Variants in CACNA1S observed in about 807,000 individuals in gnomAD.
CACNA1S encodes calcium voltage-gated channel subunit alpha1 S, also known as voltage-dependent L-type calcium channel subunit alpha-1S.
CACNA1S carries 126 observed loss-of-function variants against 207.4 expected under a neutral mutation model. The ratio of observed to expected loss-of-function variants is 0.61; its 90% confidence interval spans 0.53 to 0.70. The LOEUF is 0.70. CACNA1S is among the 30% of genes least tolerant of loss of function. The pLI, the probability that CACNA1S is intolerant of heterozygous loss-of-function variation, is 0.00. For synonymous variants in CACNA1S, 960 were observed against 932.7 expected, an observed-to-expected ratio of 1.03 and a Z score of -0.53; for missense variants, 2,349 against 2,422.8, an observed-to-expected ratio of 0.97 and a Z score of 0.64.
chr1:201,079,833 C>T (rs1046755287), intron 10 of CACNA1S, among the ~76,000 whole-genome samples: 1 of 152,202 alleles, frequency 6.6e-6, no homozygotes, highest in Middle Eastern at 3.2e-3. Flanking sequence ...TGCTGTCCAT[C>T]ATGAGAATTG....
At position 201,085,961 on chromosome 1, in the gene CACNA1S, CA is replaced by C. The variant is rs933834343; in HGVS notation, c.1005-381del. Among the ~76,000 whole-genome samples the C allele has an allele frequency of 3.1e-4, 47 of 152,242 alleles. 1 individual carries two copies. The highest frequency in any genetic ancestry group is 1.1e-3 in the African/African-American group (46 of 41,466). On this transcript the variant is annotated intron_variant, in intron 7 of 43. Coordinates refer to ENST00000362061, the MANE Select transcript of CACNA1S (RefSeq NM_000069.3). Reference sequence around the variant, plus strand: ...AATTGGCCATACTGCCCCAACCCTTCAAACTACCTTAGAAATTTAGTTTTGT... The same window carrying C: ...AATTGGCCATACTGCCCCAACCCTTCAACTACCTTAGAAATTTAGTTTTGT...
In CACNA1S at chr1:201,077,099, C is replaced by T. The variant is rs2102142651; in HGVS notation, c.1648G>A (p.Ala550Thr). The change falls in exon 12 of 44, where the codon GCA becomes ACA. Residue 550 changes from alanine to threonine, a missense_variant. Transcript: ENST00000362061. ...GAGCGGATGGAGTTGAGCAGGGATG[C>T]CACCAGGTTGCTCAGCGACGTCCAA... ...KYWTSLSNLVASLLNSIRSIA... is the reference protein window; with the variant it reads ...KYWTSLSNLVTSLLNSIRSIA... 2 of 1,614,080 alleles carry T rather than the reference C, an allele frequency of 1.2e-6. No individual in the cohort carries two copies. The highest frequency in any genetic ancestry group is 1.3e-5 in the African/African-American group (1 of 75,020).
chr1:201,072,534 T>G (rs16847659), intron 16 of CACNA1S, among the ~76,000 whole-genome samples: 1 of 152,116 alleles, frequency 6.6e-6, no homozygotes, highest in Non-Finnish European at 1.5e-5. Flanking sequence ...CTGAGTTACA[T>G]GAAAGTAAAA....
At chr1:201,082,316 C>T (rs1055946373) in intron 10 of CACNA1S, among the ~76,000 whole-genome samples, 6 of 146,862 alleles carry the variant, frequency 4.1e-5, no homozygotes, top group Middle Eastern at 3.5e-3. Context: ...CGTGAGCCAC[C>T]GCGCCCGGCC....
At position 201,048,582 on chromosome 1, in the gene CACNA1S, C is replaced by G. The variant is rs1418894777; in HGVS notation, c.4441G>C (p.Gly1481Arg). 6.2e-7 allele frequency: 1 copy of G among 1,612,138 alleles called. No individual in the cohort carries two copies. Among genetic ancestry groups the G allele is most frequent in the African/African-American group, 1.3e-5 (1 of 75,026 alleles). The change falls in exon 36 of 44, where the codon GGT becomes CGT. Residue 1481 changes from glycine to arginine, a missense_variant and splice_region_variant. Transcript: ENST00000362061. ...VRTALKIKTE[G>R]NFEQANEELR... ...GGCTCACATTGGAAGGCACTCTCAC[C>G]TTCCGTCTTGATCTTGAGTGCCGTG... is the stretch of plus-strand genomic sequence containing the variant.
Position 201,083,414 on chromosome 1 carries a change from A to G in CACNA1S, c.1233-92T>C. Reference sequence around the variant, plus strand: ...CTTCAGACAAACTCCAGGCATGCGTAGCCTGACCACCCCACTTCCGCCAGC... The same window carrying G: ...CTTCAGACAAACTCCAGGCATGCGTGGCCTGACCACCCCACTTCCGCCAGC... On this transcript the variant is annotated intron_variant, in intron 9 of 43. Coordinates refer to ENST00000362061, the MANE Select transcript of CACNA1S (RefSeq NM_000069.3). 3 of 1,339,002 alleles carry G rather than the reference A, an allele frequency of 2.2e-6. No individual in the cohort carries two copies. The South Asian group carries it at 3.5e-5, about 16-fold the overall frequency. 82.9% of individuals were successfully genotyped at this position (1,339,002 alleles called of 1,614,324 possible).
intron 2 of CACNA1S, among the ~76,000 whole-genome samples, chr1:201,094,864 C>A (rs1245495881): frequency 1.3e-5 from 2 of 152,126 alleles, no homozygotes; most frequent in Non-Finnish European, 2.9e-5. Flanking sequence ...GCCTGATCCT[C>A]TGGGTTACCC....
intron 16 of CACNA1S, 109 bp downstream of exon 16, chr1:201,072,646 G>A (rs1358818632): frequency 3.7e-6 from 3 of 809,798 alleles, no homozygotes; most frequent in East Asian, 2.4e-5. Flanking sequence ...TCCACATGGA[G>A]GGGTACAGGT....
At chr1:201,040,824 T>G (rs1221221046) in intron 41 of CACNA1S, 111 bp from the exon 42 acceptor site, 1 of 792,150 alleles carries the variant, frequency 1.3e-6, no homozygotes, top group Non-Finnish European at 2.1e-6. Context: ...AGCTCTGAGA[T>G]TCTCAGGGCT....
chr1:201,060,303 T>C (rs4915475), intron 26 of CACNA1S, among the ~76,000 whole-genome samples: 67,500 of 151,988 alleles, frequency 0.44, 15,789 homozygotes, highest in South Asian at 0.66. Context: ...CCATTTTTCT[T>C]GGGACCAGAG....
intron 10 of CACNA1S, among the ~76,000 whole-genome samples, chr1:201,082,866 C>T (rs184895172): frequency 2.2e-4 from 34 of 152,242 alleles, no homozygotes; most frequent in African/African-American, 5.5e-4. Context: ...ATAATCTGCC[C>T]GGACACCTGG....
intron 6 of CACNA1S, among the ~76,000 whole-genome samples, chr1:201,088,676 G>T (rs1486011826): frequency 6.6e-6 from 1 of 152,172 alleles, no homozygotes; most frequent in Non-Finnish European, 1.5e-5. Context: ...TAAAATGGGA[G>T]CAATGCCTTC....
chr1:201,044,135 T>C (rs1343936025), intron 39 of CACNA1S, among the ~76,000 whole-genome samples, 193 bp downstream of exon 39: 5 of 151,080 alleles, frequency 3.3e-5, no homozygotes, highest in Admixed American at 6.6e-5. Context: ...TGTGTTGCAT[T>C]TGACACCTCT....
In CACNA1S at chr1:201,053,098, G is replaced by A; in HGVS notation, c.3861+111C>T. The A allele has an allele frequency of 8.3e-7, 1 of 1,210,038 alleles. No individual in the cohort carries two copies. The highest frequency in any genetic ancestry group is 1.7e-5 in the Admixed American group (1 of 59,402). The allele number at this position is 1,210,038 out of a possible 1,614,324, so 75.0% of individuals were successfully genotyped here. ...CTCCTTCTTTCTCACGAGCAAGGCA[G>A]GGAGGGCGGAGGGTCCAGCCCGTGT... On this transcript the variant is annotated intron_variant, in intron 31 of 43. Transcript: ENST00000362061. This position sits in a 1 kb window ranked among gnomAD's most constrained non-coding sequence, Gnocchi z 5.1.
Position 201,066,950 on chromosome 1 carries a change from C to T in CACNA1S, c.2594G>A (p.Arg865His), listed in dbSNP as rs545411173. 68 of 1,614,144 alleles carry T rather than the reference C, an allele frequency of 4.2e-5. No homozygotes were observed. The highest frequency in any genetic ancestry group is 4.2e-4 in the Admixed American group (25 of 60,024). ...GAFLHKGSFC[R>H]NYFNMLDLLV... The stretch of plus-strand genomic sequence containing the variant: ...CAGGTCCAGCATGTTGAAGTAATTG[C>T]GGCAGAAGGAACCCTTGTGCAGGAA... The change falls in exon 20 of 44, where the codon CGC becomes CAC. Residue 865 changes from arginine (R) to histidine (H), a missense_variant. By Grantham distance (29) the Arg-to-His change is conservative. Coordinates refer to ENST00000362061, the MANE Select transcript of CACNA1S (RefSeq NM_000069.3). The surrounding 1 kb of genome is among the most constrained non-coding windows in gnomAD (Gnocchi z 4.3).
intron 28 of CACNA1S, among the ~76,000 whole-genome samples, chr1:201,056,249 C>T (rs1179334895): frequency 6.6e-6 from 1 of 152,162 alleles, no homozygotes; most frequent in Non-Finnish European, 1.5e-5. Flanking sequence ...GCACATCAGA[C>T]AGACGATGTG....
At chr1:201,081,444 G>A (rs937820452) in intron 10 of CACNA1S, among the ~76,000 whole-genome samples, 4 of 152,088 alleles carry the variant, frequency 2.6e-5, no homozygotes, top group Admixed American at 6.5e-5. Flanking sequence ...TATCCTACTC[G>A]TCTCACGGTC....
At chr1:201,062,638 C>G (rs1661102869) in intron 22 of CACNA1S, 124 bp from the exon 23 acceptor site, 7 of 830,288 alleles carry the variant, frequency 8.4e-6, no homozygotes, top group Non-Finnish European at 1.2e-5. Context: ...AAAAGGAGCC[C>G]AAGCCCATCT....
chr1:201,059,121 A>T, intron 27 of CACNA1S, 68 bp downstream of exon 27: 1 of 961,884 alleles, frequency 1.0e-6, no homozygotes, highest in Non-Finnish European at 1.7e-6. Context: ...ATGGGGGTGG[A>T]TGTTCCACTG....
Sources: gnomAD v4.1 joint callset for allele counts (sites outside exome capture counted in the v4.1 genomes callset) on GRCh38, gnomAD v4.1.1 for gene constraint, Gnocchi (gnomAD v3.1) non-coding constraint, MANE v1.5 for transcripts, NCBI Gene and HGNC (gene_info 2026-07-23, HGNC 2026-07-21) for gene names.